GMIP: variants seen among roughly 807,000 people sequenced by gnomAD.
The protein encoded by GMIP is GEM interacting protein.
In GMIP, 54 loss-of-function variants were observed where a neutral mutation model predicts 105.3. The ratio of observed to expected loss-of-function variants is 0.51; its 90% CI spans 0.41 to 0.64. The LOEUF (loss-of-function observed/expected upper bound fraction) is 0.64, where lower values mean the gene tolerates loss of function less well. GMIP is among the 30% of genes least tolerant of loss of function. The pLI, the probability that GMIP is intolerant of heterozygous loss-of-function variation, is 0.00. For synonymous variants in GMIP, 541 were observed against 560.8 expected (o/e 0.96, Z 0.50); for missense variants, 1,110 against 1,319.4 (o/e 0.84, Z 2.46).
At chr19:19,633,503 C>G (rs1339112497) in intron 19 of GMIP, among the ~76,000 whole-genome samples, 1 of 152,196 alleles carries the variant, frequency 6.6e-6, no homozygotes, top group Non-Finnish European at 1.5e-5. Context: ...TATTTAGCTC[C>G]TGGATGTATC....
At position 19,631,513 on chromosome 19, in the gene GMIP, G is replaced by A. The variant is rs528548646; in HGVS notation, c.2473-976C>T. 5.9e-5 allele frequency among the ~76,000 whole-genome samples: 9 copies of A among 152,296 alleles called. No homozygotes were observed. In the South Asian group the frequency reaches 1.4e-3, roughly 25 times the overall value. ...AGAGACCCACAGTTCACCAGCAGCCGCTTCCCAGCTCTGGGCTGCTGCAGG... is the reference window on the plus strand; with the variant it reads ...AGAGACCCACAGTTCACCAGCAGCCACTTCCCAGCTCTGGGCTGCTGCAGG... On this transcript the variant is annotated intron_variant, in intron 19 of 20. Transcript: ENST00000203556.
At position 19,633,830 on chromosome 19, in the gene GMIP, C is replaced by T. The variant is rs772135490; in HGVS notation, c.2445G>A (p.Glu815=). 6.7e-7 allele frequency: 1 copy of T among 1,483,864 alleles called. No homozygotes were observed. Among genetic ancestry groups the T allele is most frequent in the Admixed American group, 2.4e-5 (1 of 41,286 alleles). 91.9% of individuals were successfully genotyped at this position (1,483,864 alleles called of 1,614,324 possible). A position where few individuals can be genotyped will look rare whatever the true frequency, so the allele number is the denominator to read the frequency against. ...GPDPQHHSTL[E]QHPTATPTEI... ...CGGTAGGTGTGGCCGTGGGATGCTG[C>T]TCCAGGGTACTGTGGTGCTGGGGGT... The change falls in exon 19 of 21, where the codon GAG becomes GAA. Residue 815 remains glutamate, a synonymous_variant. Transcript: ENST00000203556.
chr19:19,631,720 G>T (rs1352124522), intron 19 of GMIP, among the ~76,000 whole-genome samples: 1 of 152,210 alleles, frequency 6.6e-6, no homozygotes, highest in African/African-American at 2.4e-5. Context: ...GGGTGCAGTG[G>T]CTCCAGCCTG....
At chr19:19,631,115 C>T (rs1230576182) in intron 19 of GMIP, among the ~76,000 whole-genome samples, 2 of 152,028 alleles carry the variant, frequency 1.3e-5, no homozygotes, top group South Asian at 2.1e-4. Flanking sequence ...GCAGGAGAAT[C>T]GCTTGGACCT....
intron 4 of GMIP, among the ~76,000 whole-genome samples, chr19:19,640,788 T>C (rs924137782): frequency 3.3e-5 from 5 of 152,130 alleles, no homozygotes; most frequent in African/African-American, 1.2e-4. Context: ...TTTTTGAGAC[T>C]GTGTTTCGCT....
intron 19 of GMIP, among the ~76,000 whole-genome samples, chr19:19,633,098 G>A (rs1260045416): frequency 1.5e-5 from 2 of 136,346 alleles, no homozygotes; most frequent in African/African-American, 5.5e-5. Context: ...TTGCTCTATT[G>A]TCCAGGCTGG....
Position 19,635,230 on chromosome 19 carries a change from A to G in GMIP, c.1561-17T>C. ...CAGAAAGCACTGTGGGGAAGGTCACAGGGACAGGGAGGTCATTAGGGACCA... is the reference window on the plus strand; with the variant it reads ...CAGAAAGCACTGTGGGGAAGGTCACGGGGACAGGGAGGTCATTAGGGACCA... On this transcript the variant is annotated splice_polypyrimidine_tract_variant and intron_variant, in intron 15 of 20. Transcript: ENST00000203556. The surrounding 1 kb of genome is among the most constrained non-coding windows in gnomAD (Gnocchi z 4.7). The G allele has an allele frequency of 6.2e-7, 1 of 1,602,370 alleles. No homozygotes were observed. Among genetic ancestry groups the G allele is most frequent in the Non-Finnish European group, 8.5e-7 (1 of 1,172,896 alleles).
In GMIP at chr19:19,641,987, T is replaced by A. The variant is rs190397857; in HGVS notation, c.169A>T (p.Thr57Ser). 6 of 1,612,028 alleles carry A rather than the reference T, an allele frequency of 3.7e-6. No homozygotes were observed. In the African/African-American group the frequency reaches 8.0e-5, roughly 21 times the overall value. Residue 57 changes from threonine to serine, a missense_variant, in exon 3 of 21, where the codon ACA becomes TCA. Physicochemically the swap from Thr to Ser is moderately conservative, Grantham distance 58. Around this residue, in one of 3 missense-constraint regions of GMIP, gnomAD observed 667 missense variants for 773.2 expected, o/e 0.86. Transcript: ENST00000203556. ...SEDPEPDKTPTATVTNEASCW... is the reference protein window; with the variant it reads ...SEDPEPDKTPSATVTNEASCW... ...TACTCCCCACTCACAACAGTGGCTG[T>A]AGGGGTCTTGTCAGGTTCTGGGTCT...
chr19:19,637,231 GC>G lies in GMIP; in HGVS notation c.1124+133del, dbSNP rs2061864327. On this transcript the variant is annotated intron_variant, in intron 11 of 20. Coordinates refer to ENST00000203556, the MANE Select transcript of GMIP (RefSeq NM_016573.4). This position sits in a 1 kb window ranked among gnomAD's most constrained non-coding sequence, Gnocchi z 6.7. ...GGGACAACCCATTCACCCTCCTATGGCCCCCGAGAGCCTGGAGTACTAAATT... is the reference window on the plus strand; with the variant it reads ...GGGACAACCCATTCACCCTCCTATGGCCCCGAGAGCCTGGAGTACTAAATT... The G allele has an allele frequency of 2.9e-6, 2 of 694,114 alleles. No individual in the cohort carries two copies. Among genetic ancestry groups the G allele is most frequent in the African/African-American group, 1.8e-5 (1 of 55,190 alleles). 43.0% of individuals were successfully genotyped at this position (694,114 alleles called of 1,614,324 possible). A position where few individuals can be genotyped will look rare whatever the true frequency, so the allele number is the denominator to read the frequency against.
rs1388417812 is a variant in GMIP at position 19,634,545 on chromosome 19, G to A, written c.2046C>T (p.Asn682=). ...KTLLVQLPDS[N]YNTLRHLVAH... ...CCACCAGGTGCCGCAGGGTGTTGTAGTTAGAGTCAGGCAGCTGTACCAAGA... is the reference window on the plus strand; with the variant it reads ...CCACCAGGTGCCGCAGGGTGTTGTAATTAGAGTCAGGCAGCTGTACCAAGA... Residue 682 remains asparagine (N), a synonymous_variant, in exon 18 of 21, where the codon AAC becomes AAT. Coordinates refer to ENST00000203556, the MANE Select transcript of GMIP (RefSeq NM_016573.4). The surrounding 1 kb of genome is among the most constrained non-coding windows in gnomAD (Gnocchi z 6.1). 6.8e-6 allele frequency: 11 copies of A among 1,613,356 alleles called. No individual in the cohort carries two copies. Among genetic ancestry groups the A allele is most frequent in the Non-Finnish European group, 8.5e-6 (10 of 1,179,794 alleles).
intron 6 of GMIP, 39 bp downstream of exon 6, chr19:19,640,257 G>T: frequency 1.2e-6 from 2 of 1,600,024 alleles, no homozygotes; most frequent in Non-Finnish European, 1.7e-6. Flanking sequence ...TGGGGTTCTA[G>T]GGGGCTTGGG....
At chr19:19,631,848 T>A (rs2061798732) in intron 19 of GMIP, among the ~76,000 whole-genome samples, 1 of 150,012 alleles carries the variant, frequency 6.7e-6, no homozygotes, top group African/African-American at 2.5e-5. Context: ...ATTAGCCGGG[T>A]GTGGTGGCGG....
chr19:19,641,955 G>T, intron 3 of GMIP, 21 bp downstream of exon 3: 1 of 1,606,188 alleles, frequency 6.2e-7, no homozygotes, highest in Non-Finnish European at 8.5e-7. Flanking sequence ...CTTCCTCCCT[G>T]TTCCCCTACT....
rs1273380649 is a variant in GMIP at position 19,630,354 on chromosome 19, G to A, written c.2540-18C>T. 3 of 1,547,166 alleles carry A rather than the reference G, an allele frequency of 1.9e-6. No individual in the cohort carries two copies. The African/African-American group carries it at 4.1e-5, about 21-fold the overall frequency. On this transcript the variant is annotated intron_variant, in intron 20 of 20. Transcript: ENST00000203556. This position sits in a 1 kb window ranked among gnomAD's most constrained non-coding sequence, Gnocchi z 4.8. Reference sequence around the variant, plus strand: ...GCTGGACACTGTGTACGGGGTGGGTGGTCAGTGCAGAGCACCTCCAAGTTC... The same window carrying A: ...GCTGGACACTGTGTACGGGGTGGGTAGTCAGTGCAGAGCACCTCCAAGTTC...
At chr19:19,633,210 C>A (rs1288740274) in intron 19 of GMIP, among the ~76,000 whole-genome samples, 1 of 152,062 alleles carries the variant, frequency 6.6e-6, no homozygotes, top group Non-Finnish European at 1.5e-5. Context: ...AGGTACACAC[C>A]ACCACACCTG....
At chr19:19,639,601 C>A (rs545885750) in intron 7 of GMIP, among the ~76,000 whole-genome samples, 2 of 152,110 alleles carry the variant, frequency 1.3e-5, no homozygotes, top group Non-Finnish European at 2.9e-5. Flanking sequence ...GTAATCCCAC[C>A]ACTTTGGGAA....
Position 19,629,906 on chromosome 19 carries a change from A to G in GMIP, c.*57T>C, listed in dbSNP as rs2061774012. The G allele has an allele frequency of 6.5e-7, 1 of 1,532,200 alleles. No individual in the cohort carries two copies. Among genetic ancestry groups the G allele is most frequent in the Non-Finnish European group, 8.8e-7 (1 of 1,133,610 alleles). The allele number at this position is 1,532,200 out of a possible 1,614,324, so 94.9% of individuals were successfully genotyped here. On this transcript the variant is annotated 3_prime_UTR_variant, in exon 21 of 21. Transcript: ENST00000203556. The stretch of plus-strand genomic sequence containing the variant: ...GGCCACTAGGTGGTGGGAGGTAGGG[A>G]TATATGGGTCCGTCTTCACAATCTG...
In GMIP at chr19:19,635,822, C is replaced by T. The variant is rs138761150; in HGVS notation, c.1328-101G>A. ...CACTAATTCCCAAGGGGTCAGAGGT[C>T]AGGAGGGGGATTGGACAGGTCAGTG... On this transcript the variant is annotated intron_variant, in intron 13 of 20. Transcript: ENST00000203556. This position sits in a 1 kb window ranked among gnomAD's most constrained non-coding sequence, Gnocchi z 4.7. 2.7e-4 allele frequency: 261 copies of T among 954,968 alleles called. 1 individual carries two copies. In the East Asian group the frequency reaches 6.2e-3, roughly 23 times the overall value. 59.2% of individuals were successfully genotyped at this position (954,968 alleles called of 1,614,324 possible). A position where few individuals can be genotyped will look rare whatever the true frequency, so the allele number is the denominator to read the frequency against.
chr19:19,641,911 G>A (rs1404685804), intron 3 of GMIP, 44 bp from the exon 4 acceptor site: 1 of 1,604,342 alleles, frequency 6.2e-7, no homozygotes, highest in Non-Finnish European at 8.5e-7. Context: ...CAGGGCAGGG[G>A]CCTGGCCTTC....
Sources: gnomAD v4.1 joint callset for allele counts (sites outside exome capture counted in the v4.1 genomes callset) on GRCh38, gnomAD v4.1.1 for gene constraint, gnomAD v4.1.1 regional missense constraint, Gnocchi (gnomAD v3.1) non-coding constraint, MANE v1.5 for transcripts, NCBI Gene and HGNC (gene_info 2026-07-23, HGNC 2026-07-21) for gene names.